The following SSBP3 variants were observed in gnomAD, a reference collection of about 807,000 sequenced individuals.
The protein encoded by SSBP3 is single-stranded DNA-binding protein 3.
Under a neutral mutation model 69.6 loss-of-function variants are expected in SSBP3, and 5 were observed. The observed-to-expected ratio is 0.07, with a 90% CI of 0.04 to 0.15. The LOEUF (loss-of-function observed/expected upper bound fraction) is 0.15. Ranked by LOEUF, SSBP3 falls within the 10% of genes least tolerant of loss-of-function variation. The probability of loss-of-function intolerance (pLI) is 1.00; values close to 1 mark genes in which losing one functional copy is unlikely to be tolerated. For synonymous variants in SSBP3, 196 were observed against 193.4 expected (o/e 1.01, Z -0.11); for missense variants, 312 against 534.0 (o/e 0.58, Z 4.10).
At chr1:54,255,122 C>T (rs891900312) in intron 7 of SSBP3, among the ~76,000 whole-genome samples, 3 of 127,042 alleles carry the variant, frequency 2.4e-5, no homozygotes, top group African/African-American at 3.2e-5. Flanking sequence ...TGAGTCACTG[C>T]GCCCAGCCCC....
intron 5 of SSBP3, among the ~76,000 whole-genome samples, chr1:54,269,163 T>C (rs1296908338): frequency 6.6e-6 from 1 of 152,168 alleles, no homozygotes; most frequent in Non-Finnish European, 1.5e-5. Context: ...CCCACGGAGC[T>C]ACCCCTCTTG....
rs1644970495 is a variant in SSBP3, at chr1:54,258,966, G to T, written c.367-817C>A. Reference sequence around the variant, plus strand: ...CTGGTCAGTGGCAGAGCTGGGATGAGAAGCCCCATGGGTCCAAGGCCCATC... The same window carrying T: ...CTGGTCAGTGGCAGAGCTGGGATGATAAGCCCCATGGGTCCAAGGCCCATC... On this transcript the variant is annotated intron_variant, in intron 5 of 17. Coordinates refer to ENST00000610401, the Ensembl canonical transcript of SSBP3. The surrounding 1 kb of genome is among the most constrained non-coding windows in gnomAD (Gnocchi z 4.5). 1.3e-5 allele frequency among the ~76,000 whole-genome samples: 2 copies of T among 152,214 alleles called. No individual in the cohort carries two copies. Among genetic ancestry groups the T allele is most frequent in the Admixed American group, 1.3e-4 (2 of 15,284 alleles).
chr1:54,280,303 C>T (rs1036610207), intron 5 of SSBP3, among the ~76,000 whole-genome samples: 2 of 152,190 alleles, frequency 1.3e-5, no homozygotes, highest in South Asian at 2.1e-4. Context: ...CCCTAGGAGA[C>T]GTTTGTCAGG....
At chr1:54,297,614 G>C (rs1462677814) in intron 4 of SSBP3, among the ~76,000 whole-genome samples, 3 of 152,202 alleles carry the variant, frequency 2.0e-5, no homozygotes, top group Non-Finnish European at 4.4e-5. Context: ...CTGGGAGACA[G>C]AGTGAGACTT....
At chr1:54,405,914 C>A in intron 1 of SSBP3, 39 bp downstream of exon 1, 2 of 1,241,306 alleles carry the variant, frequency 1.6e-6, no homozygotes, top group Non-Finnish European at 2.1e-6. Context: ...GCCCGCAGCC[C>A]GGCGGCGGCG....
chr1:54,263,389 GC>G (rs2100777889), intron 5 of SSBP3, among the ~76,000 whole-genome samples: 1 of 152,314 alleles, frequency 6.6e-6, no homozygotes, highest in South Asian at 2.1e-4. Context: ...TCCAATCCCA[GC>G]TCCTCCGGTT....
At chr1:54,410,360 T>C (rs946223343), upstream of SSBP3, among the ~76,000 whole-genome samples, 6 of 152,192 alleles carry the variant, frequency 3.9e-5, no homozygotes, top group Non-Finnish European at 8.8e-5. Context: ...AAAGGGACTT[T>C]AGGCCCATGA....
chr1:54,369,932 A>T (rs554499173), intron 4 of SSBP3, among the ~76,000 whole-genome samples: 35 of 152,206 alleles, frequency 2.3e-4, no homozygotes, highest in Middle Eastern at 3.4e-3. Context: ...GCTTTGTGTG[A>T]TATGAAAAAC....
intron 4 of SSBP3, among the ~76,000 whole-genome samples, chr1:54,340,082 C>T (rs868599542): frequency 9.2e-5 from 14 of 152,048 alleles, no homozygotes; most frequent in Non-Finnish European, 1.0e-4. Flanking sequence ...AGAGGATAAG[C>T]GCCTTCAAGG....
chr1:54,361,524 A>G (rs1424204103), intron 4 of SSBP3, among the ~76,000 whole-genome samples: 1 of 152,052 alleles, frequency 6.6e-6, no homozygotes, highest in Non-Finnish European at 1.5e-5. Flanking sequence ...ACTGCCCCCA[A>G]TAGAGCAAGG....
chr1:54,244,160 G>A (rs1644692906), intron 9 of SSBP3, among the ~76,000 whole-genome samples: 1 of 152,044 alleles, frequency 6.6e-6, no homozygotes, highest in South Asian at 2.1e-4. Flanking sequence ...CAGGAGAGCA[G>A]TGGCATGATC....
intron 4 of SSBP3, among the ~76,000 whole-genome samples, chr1:54,380,454 G>A (rs982564334): frequency 2.0e-5 from 3 of 152,236 alleles, no homozygotes; most frequent in African/African-American, 4.8e-5. Flanking sequence ...TTCTGTCCTC[G>A]TGGAAAGAAC....
intron 4 of SSBP3, among the ~76,000 whole-genome samples, chr1:54,401,251 T>C (rs1339965207): frequency 1.3e-5 from 2 of 152,064 alleles, no homozygotes; most frequent in African/African-American, 4.8e-5. Context: ...AGTAACAGGG[T>C]AGAAAGAACT....
chr1:54,253,674 G>T (rs534917421), intron 7 of SSBP3, among the ~76,000 whole-genome samples: 1 of 152,180 alleles, frequency 6.6e-6, no homozygotes, highest in Non-Finnish European at 1.5e-5. Flanking sequence ...GGGGTTTGTG[G>T]TTTTTATAGA....
chr1:54,378,110 G>A (rs982081050), intron 4 of SSBP3, among the ~76,000 whole-genome samples: 3 of 152,098 alleles, frequency 2.0e-5, no homozygotes, highest in African/African-American at 7.2e-5. Flanking sequence ...AAAAGCAGAT[G>A]CCCTCGGACC....
intron 4 of SSBP3, among the ~76,000 whole-genome samples, chr1:54,344,260 T>C (rs1439419741): frequency 6.6e-6 from 1 of 152,232 alleles, no homozygotes; most frequent in Non-Finnish European, 1.5e-5. Flanking sequence ...TGTTTACGTT[T>C]ATTATCTAAT....
At chr1:54,338,986 C>A (rs990351400) in intron 4 of SSBP3, among the ~76,000 whole-genome samples, 4 of 152,244 alleles carry the variant, frequency 2.6e-5, no homozygotes, top group African/African-American at 7.2e-5. Flanking sequence ...AAACACACAC[C>A]TTTTCTCACA....
chr1:54,243,115 G>A (rs776089918), intron 10 of SSBP3, 120 bp downstream of exon 10: 1 of 878,202 alleles, frequency 1.1e-6, no homozygotes, highest in Non-Finnish European at 1.9e-6. Context: ...TTACCGATGA[G>A]GAGACTGAGG....
chr1:54,303,996 T>C (rs1645850764), intron 4 of SSBP3, among the ~76,000 whole-genome samples: 1 of 152,142 alleles, frequency 6.6e-6, no homozygotes. Flanking sequence ...CCTCCACGTG[T>C]TTGCAGAACG....
Sources: gnomAD v4.1 joint callset for allele counts (sites outside exome capture counted in the v4.1 genomes callset) on GRCh38, gnomAD v4.1.1 for gene constraint, Gnocchi (gnomAD v3.1) non-coding constraint, MANE v1.5 for transcripts, NCBI Gene and HGNC (gene_info 2026-07-23, HGNC 2026-07-21) for gene names.